RRAGD: variants seen among roughly 807,000 people sequenced by gnomAD.
The protein encoded by RRAGD is ras-related GTP-binding protein D.
Under a neutral mutation model 35.5 loss-of-function variants are expected in RRAGD, and 12 were observed. That is an observed-to-expected ratio of 0.34 (90% confidence interval 0.22 to 0.55). The LOEUF is 0.55. Among genes scored for constraint, RRAGD ranks in the 20% least tolerant of loss-of-function variants. The pLI is 0.91. For missense variants in RRAGD, 324 were observed against 490.1 expected (o/e 0.66, Z 3.20); for synonymous variants, 155 against 178.9 (o/e 0.87, Z 1.07).
chr6:89,398,557 G>C (rs1017679538), intron 1 of RRAGD, among the ~76,000 whole-genome samples: 15 of 152,232 alleles, frequency 9.9e-5, no homozygotes, highest in African/African-American at 3.6e-4. Context: ...AGAAGGAGCA[G>C]GCAGGAGCTC....
intron 1 of RRAGD, among the ~76,000 whole-genome samples, chr6:89,409,639 C>T (rs1300717153): frequency 6.6e-6 from 1 of 152,204 alleles, no homozygotes; most frequent in East Asian, 1.9e-4. Flanking sequence ...CCCCACTCCC[C>T]AGACCATATC....
In RRAGD at chr6:89,367,456, AG is replaced by A. The variant is rs1321501021; in HGVS notation, c.*599del. The A allele has an allele frequency of 6.6e-6, 1 of 152,254 alleles. No homozygotes were observed. The highest frequency in any genetic ancestry group is 1.9e-4 in the East Asian group (1 of 5,202). 9.4% of individuals were successfully genotyped at this position (152,254 alleles called of 1,614,324 possible). On this transcript the variant is annotated 3_prime_UTR_variant, in exon 7 of 7. Coordinates refer to ENST00000369415, the MANE Select transcript of RRAGD (RefSeq NM_021244.5). Reference sequence around the variant, plus strand: ...GAAATTTTTAGGTAAGTCTGGTGCTAGCATTATTCTACAAAACTGTTTACAC... The same window carrying A: ...GAAATTTTTAGGTAAGTCTGGTGCTACATTATTCTACAAAACTGTTTACAC...
chr6:89,403,516 G>A (rs1201902398), intron 1 of RRAGD, among the ~76,000 whole-genome samples: 1 of 151,704 alleles, frequency 6.6e-6, no homozygotes, highest in African/African-American at 2.4e-5. Flanking sequence ...TAGGCATTGA[G>A]AACCTTTATG....
chr6:89,370,720 T>A (rs1227505062), intron 6 of RRAGD, among the ~76,000 whole-genome samples: 1 of 152,128 alleles, frequency 6.6e-6, no homozygotes, highest in Admixed American at 6.5e-5. Context: ...ATTAAAATGA[T>A]GTGGTTAAAA....
intron 5 of RRAGD, among the ~76,000 whole-genome samples, chr6:89,375,832 G>T (rs759245767): frequency 6.6e-6 from 1 of 152,300 alleles, no homozygotes; most frequent in Admixed American, 6.5e-5. Flanking sequence ...CCAATCTGAC[G>T]GCAAAGCCAG....
chr6:89,372,653 A>G (rs1768873926), intron 5 of RRAGD, 68 bp from the exon 6 acceptor site: 2 of 1,456,238 alleles, frequency 1.4e-6, no homozygotes, highest in Admixed American at 2.4e-5. Context: ...GCCAGTGACA[A>G]GAGACCGGCT....
At chr6:89,382,242 C>G (rs897840934) in intron 2 of RRAGD, among the ~76,000 whole-genome samples, 1 of 151,686 alleles carries the variant, frequency 6.6e-6, no homozygotes, top group African/African-American at 2.4e-5. Flanking sequence ...GGAAAAACCG[C>G]AAATGGAGTC....
At position 89,398,446 on chromosome 6, in the gene RRAGD, CA is replaced by C. The variant is rs1474454028; in HGVS notation, c.149-10857del. 1.8e-4 allele frequency among the ~76,000 whole-genome samples: 27 copies of C among 152,138 alleles called. 1 individual carries two copies. ...CCAAACAGCAAGTGTTTAAACAATG[CA>C]AAGTGGAGGGAAATGCTTGTGGGCC... On this transcript the variant is annotated intron_variant, in intron 1 of 6. Coordinates refer to ENST00000369415, the MANE Select transcript of RRAGD (RefSeq NM_021244.5).
At chr6:89,406,005 A>T (rs1279594702) in intron 1 of RRAGD, among the ~76,000 whole-genome samples, 1 of 152,270 alleles carries the variant, frequency 6.6e-6, no homozygotes, top group East Asian at 1.9e-4. Flanking sequence ...AAGGAAAATT[A>T]AATGCAAACA....
intron 4 of RRAGD, among the ~76,000 whole-genome samples, chr6:89,378,501 C>T (rs984631698): frequency 6.6e-6 from 1 of 152,250 alleles, no homozygotes; most frequent in South Asian, 2.1e-4. Flanking sequence ...ACAGAGTAAA[C>T]GTGAGTATAA....
intron 1 of RRAGD, among the ~76,000 whole-genome samples, chr6:89,410,519 C>T (rs80319198): frequency 0.01 from 1,571 of 152,264 alleles, 18 homozygotes; most frequent in African/African-American, 0.036. Flanking sequence ...TGGTGCTCAA[C>T]GGTAAGACCA....
intron 2 of RRAGD, among the ~76,000 whole-genome samples, chr6:89,380,787 G>T (rs1409015413): frequency 6.6e-6 from 1 of 151,918 alleles, no homozygotes; most frequent in Non-Finnish European, 1.5e-5. Context: ...TGCGCCTGTA[G>T]TCCCAGCTAC....
In RRAGD at chr6:89,387,439, T is replaced by C; in HGVS notation, c.300A>G (p.Ile100Met). The C allele has an allele frequency of 6.2e-7, 1 of 1,614,194 alleles. No homozygotes were observed. Among genetic ancestry groups the C allele is most frequent in the Non-Finnish European group, 8.5e-7 (1 of 1,180,028 alleles). Residue 100 changes from isoleucine to methionine, a missense_variant, in exon 2 of 7, where the codon ATA becomes ATG. Ile to Met is a conservative substitution (Grantham distance 10, BLOSUM62 1). Coordinates refer to ENST00000369415, the MANE Select transcript of RRAGD (RefSeq NM_021244.5). ...AGCTGTTGGAAACATCTTCCCGGCATATCTTATTAGTGCTCTCCAAGAACA... is the reference window on the plus strand; with the variant it reads ...AGCTGTTGGAAACATCTTCCCGGCACATCTTATTAGTGCTCTCCAAGAACA... The part of the protein sequence containing the change: ...ETLFLESTNK[I>M]CREDVSNSSF...
At chr6:89,369,606 T>C (rs1033640081) in intron 6 of RRAGD, among the ~76,000 whole-genome samples, 1 of 152,122 alleles carries the variant, frequency 6.6e-6, no homozygotes. Flanking sequence ...GGTCTCACTA[T>C]GTTGCCCAGG....
In RRAGD at chr6:89,376,759, A is replaced by T. The variant is rs533096045; in HGVS notation, c.902+912T>A. 2.6e-5 allele frequency among the ~76,000 whole-genome samples: 4 copies of T among 152,302 alleles called. No individual in the cohort carries two copies. In the East Asian group the frequency reaches 7.7e-4, roughly 29 times the overall value. ...AGATTTTTTTCAGCAGAGGATCAGG[A>T]ATCAGATCTGAGTTGAAACTCCAGT... On this transcript the variant is annotated intron_variant, in intron 5 of 6. Transcript: ENST00000369415.
At position 89,380,360 on chromosome 6, in the gene RRAGD, T is replaced by C. The variant is rs1769020564; in HGVS notation, c.452A>G (p.Tyr151Cys). The change falls in exon 3 of 7, where the codon TAC becomes TGC. Residue 151 changes from tyrosine (Y) to cysteine (C), a missense_variant. Transcript: ENST00000369415. ...LIFVIDSQDDYMEALARLHLT... is the reference protein window; with the variant it reads ...LIFVIDSQDDCMEALARLHLT... ...GTGGAGCCTGGCCAGGGCTTCCATGTAATCATCCTAGGACCAAAGGCAACG... is the reference window on the plus strand; with the variant it reads ...GTGGAGCCTGGCCAGGGCTTCCATGCAATCATCCTAGGACCAAAGGCAACG... 1 of 1,614,028 alleles carries C rather than the reference T, an allele frequency of 6.2e-7. No individual in the cohort carries two copies. Among genetic ancestry groups the C allele is most frequent in the Non-Finnish European group, 8.5e-7 (1 of 1,179,974 alleles).
intron 1 of RRAGD, among the ~76,000 whole-genome samples, chr6:89,395,033 G>C (rs1239034029): frequency 6.6e-6 from 1 of 152,080 alleles, no homozygotes; most frequent in Non-Finnish European, 1.5e-5. Flanking sequence ...GAGGTGGGAG[G>C]ATCACTTGAG....
At chr6:89,368,330 G>T (rs16881772) in intron 6 of RRAGD, 123 bp from the exon 7 acceptor site, 27,370 of 735,182 alleles carry the variant, frequency 0.037, 2,849 homozygotes, top group East Asian at 0.32. Context: ...GTAAGGACCA[G>T]AGATTTCCCT....
chr6:89,403,627 C>CTT (rs10715442), intron 1 of RRAGD, among the ~76,000 whole-genome samples: 24 of 116,468 alleles, frequency 2.1e-4, no homozygotes, highest in East Asian at 7.3e-4. Context: ...TTTTCTTTTT[C>CTT]TTTTTTTTTT....
Sources: allele counts gnomAD v4.1 joint callset (sites outside exome capture counted in the v4.1 genomes callset), GRCh38; gene constraint gnomAD v4.1.1; transcripts MANE v1.5; gene names NCBI Gene and HGNC (gene_info 2026-07-23, HGNC 2026-07-21).